Variants in TK1 observed in about 807,000 individuals in gnomAD.
TK1 encodes the protein thymidine kinase 1, also known as thymidine kinase, cytosolic.
Under a neutral mutation model 22.4 loss-of-function variants are expected in TK1, and 13 were observed. That is an observed-to-expected ratio of 0.58 (90% CI 0.38 to 0.92). TK1 has a LOEUF of 0.92. TK1 is among the 40% of genes least tolerant of loss of function. TK1 has a pLI of 0.00. For missense variants in TK1, 251 were observed against 315.7 expected, an observed-to-expected ratio of 0.80 and a Z score of 1.55; for synonymous variants, 134 against 125.4, an observed-to-expected ratio of 1.07 and a Z score of -0.46.
chr17:78,184,252 C>G (rs377435919), intron 3 of TK1, among the ~76,000 whole-genome samples: 1 of 152,352 alleles, frequency 6.6e-6, no homozygotes, highest in East Asian at 1.9e-4. Flanking sequence ...CAGCTCCCAC[C>G]GAAGGCCACA....
At chr17:78,179,063 T>G in intron 4 of TK1, 1 of 688,294 alleles carries the variant, frequency 1.5e-6, no homozygotes, top group Non-Finnish European at 1.8e-6. Context: ...GGCATTTGGA[T>G]GTCGAGGAAG....
chr17:78,179,470 C>T (rs1257292466), intron 4 of TK1: 5 of 985,334 alleles, frequency 5.1e-6, no homozygotes, highest in Non-Finnish European at 6.0e-6. Context: ...ATGCCAGCTG[C>T]CGGGTGGTCG....
At chr17:78,186,738 TC>T in intron 2 of TK1, 48 bp downstream of exon 2, 1 of 1,508,896 alleles carries the variant, frequency 6.6e-7, no homozygotes, top group East Asian at 2.7e-5. Flanking sequence ...GGACAAGGGG[TC>T]CCCGGAGAAG....
At chr17:78,175,211 C>T in intron 5 of TK1, 42 bp from the exon 6 acceptor site, 5 of 1,594,606 alleles carry the variant, frequency 3.1e-6, no homozygotes, top group Non-Finnish European at 4.3e-6. Flanking sequence ...AGCCACCTTA[C>T]CAGGTGGGTT....
In TK1 at chr17:78,185,143, G is replaced by A. The variant is rs752289009; in HGVS notation, c.121C>T (p.Arg41Cys). ...GKSTELMRRV[R>C]RFQIAQYKCL... is the part of the protein sequence containing the mutation. Reference sequence around the variant, plus strand: ...TTGTACTGAGCAATCTGGAAGCGACGGACGCGTCTCATCAACTCTGTGCTG... The same window carrying A: ...TTGTACTGAGCAATCTGGAAGCGACAGACGCGTCTCATCAACTCTGTGCTG... Residue 41 changes from arginine to cysteine, a missense_variant, in exon 3 of 7, where the codon CGT (arginine) becomes TGT (cysteine). Transcript: ENST00000301634. 1.2e-5 allele frequency: 20 copies of A among 1,611,970 alleles called. No individual in the cohort carries two copies. The highest frequency in any genetic ancestry group is 8.4e-5 in the Admixed American group (5 of 59,576).
intron 4 of TK1, among the ~76,000 whole-genome samples, chr17:78,178,395 G>A (rs551906606): frequency 4.6e-5 from 7 of 152,034 alleles, no homozygotes; most frequent in Non-Finnish European, 8.8e-5. Flanking sequence ...TGTGTGTCTC[G>A]CCCGGGGTAC....
intron 2 of TK1, among the ~76,000 whole-genome samples, chr17:78,185,997 A>G (rs2075786357): frequency 6.6e-6 from 1 of 152,296 alleles, no homozygotes; most frequent in Middle Eastern, 3.4e-3. Flanking sequence ...ATGGTGGCTA[A>G]CATCTGTAAT....
chr17:78,178,398 C>T lies in TK1; in HGVS notation c.304-2780G>A, dbSNP rs735170. Among the ~76,000 whole-genome samples the T allele has an allele frequency of 3.3e-3, 507 of 152,220 alleles. 11 individuals are homozygous for T. Among genetic ancestry groups the T allele is most frequent in the Admixed American group, 0.031 (470 of 15,274 alleles). On this transcript the variant is annotated intron_variant, in intron 4 of 6. Coordinates refer to ENST00000301634, the MANE Select transcript of TK1 (RefSeq NM_003258.5). Reference sequence around the variant, plus strand: ...AGTGTGAGCACCTGTGTGTCTCGCCCGGGGTACAAAGAAGCACAGAAGCTT... The same window carrying T: ...AGTGTGAGCACCTGTGTGTCTCGCCTGGGGTACAAAGAAGCACAGAAGCTT...
chr17:78,175,747 C>G (rs2075694618), intron 4 of TK1, 129 bp from the exon 5 acceptor site: 2 of 753,618 alleles, frequency 2.7e-6, no homozygotes, highest in East Asian at 2.7e-5. Flanking sequence ...TTAATTCTCC[C>G]ACGAGGCTCC....
chr17:78,176,099 G>C (rs566633010), intron 4 of TK1, among the ~76,000 whole-genome samples: 21 of 152,202 alleles, frequency 1.4e-4, no homozygotes, highest in Non-Finnish European at 2.6e-4. Context: ...GAATAGGTGG[G>C]CGCTTTGTGC....
At chr17:78,180,739 G>A (rs568835245) in intron 4 of TK1, among the ~76,000 whole-genome samples, 1 of 152,312 alleles carries the variant, frequency 6.6e-6, no homozygotes, top group African/African-American at 2.4e-5. Flanking sequence ...CTCAGAGATG[G>A]ATGAGGAGAG....
intron 1 of TK1, 29 bp from the exon 2 acceptor site, chr17:78,186,847 G>T: frequency 6.4e-7 from 1 of 1,574,546 alleles, no homozygotes; most frequent in East Asian, 2.4e-5. Context: ...TCATTTGAGG[G>T]CCCGCCCTGC....
intron 4 of TK1, 75 bp from the exon 5 acceptor site, chr17:78,175,693 G>A (rs959144808): frequency 2.1e-5 from 29 of 1,364,092 alleles, no homozygotes; most frequent in Admixed American, 9.5e-5. Flanking sequence ...CAGCGAAGAC[G>A]CTGCCAGATC....
intron 5 of TK1, 56 bp from the exon 6 acceptor site, chr17:78,175,225 C>CATTTTTTTTTTTTTTTTT: frequency 3.2e-6 from 5 of 1,558,728 alleles, no homozygotes; most frequent in East Asian, 4.8e-5. Context: ...GTGGGTTTTT[C>CATTTTTTTTTTTTTTTTT]TTTTAAACCC....
At chr17:78,184,585 A>C (rs1255794894) in intron 3 of TK1, among the ~76,000 whole-genome samples, 4 of 152,224 alleles carry the variant, frequency 2.6e-5, no homozygotes, top group Admixed American at 2.0e-4. Flanking sequence ...ACAACTAAAA[A>C]ATTAAACAAA....
At chr17:78,179,659 G>T in intron 4 of TK1, 1 of 985,468 alleles carries the variant, frequency 1.0e-6, no homozygotes, top group Non-Finnish European at 1.2e-6. Flanking sequence ...GCCCTGTGAC[G>T]TCCGGGCAGG....
At chr17:78,175,694 C>T in intron 4 of TK1, 76 bp from the exon 5 acceptor site, 1 of 1,329,800 alleles carries the variant, frequency 7.5e-7, no homozygotes, top group Non-Finnish European at 1.1e-6. Context: ...AGCGAAGACG[C>T]TGCCAGATCT....
At position 78,184,535 on chromosome 17, in the gene TK1, G is replaced by A. The variant is rs138873147; in HGVS notation, c.209+520C>T. On this transcript the variant is annotated intron_variant, in intron 3 of 6. Transcript: ENST00000301634. ...ACAGCTACACATAAAACAGGGAAGC[G>A]TGAAGGCTGCCAGGTGACGGGGGAG... is the stretch of plus-strand genomic sequence containing the variant. Among the ~76,000 whole-genome samples, 311 of 151,176 alleles carry A rather than the reference G, an allele frequency of 2.1e-3. 1 individual carries two copies. The highest frequency in any genetic ancestry group is 3.5e-3 in the Non-Finnish European group (236 of 67,968).
chr17:78,179,034 A>T, intron 4 of TK1: 2 of 421,682 alleles, frequency 4.7e-6, no homozygotes, highest in Non-Finnish European at 6.4e-6. Flanking sequence ...AGGACTTCAT[A>T]CGCTGGCTCC....
Sources: allele counts gnomAD v4.1 joint callset (sites outside exome capture counted in the v4.1 genomes callset), GRCh38; gene constraint gnomAD v4.1.1; transcripts MANE v1.5; gene names NCBI Gene and HGNC (gene_info 2026-07-23, HGNC 2026-07-21).